The following SLAMF8 variants were observed in gnomAD, a reference collection of about 807,000 sequenced individuals.
SLAMF8 encodes the protein SLAM family member 8, also known as B lymphocyte activator macrophage expressed.
In SLAMF8, 23 loss-of-function variants were observed where a neutral mutation model predicts 29.0. That is an observed-to-expected ratio of 0.79 (90% confidence interval 0.57 to 1.13). The LOEUF (loss-of-function observed/expected upper bound fraction) is 1.13. SLAMF8 is among the 50% of genes most tolerant of loss of function. The pLI, the probability that SLAMF8 is intolerant of heterozygous loss-of-function variation, is 0.00. For missense variants in SLAMF8, 381 were observed against 353.1 expected, an observed-to-expected ratio of 1.08 and a Z score of -0.63; for synonymous variants, 139 against 145.6, an observed-to-expected ratio of 0.96 and a Z score of 0.32.
intron 1 of SLAMF8, among the ~76,000 whole-genome samples, chr1:159,829,549 A>T (rs61823167): frequency 0.1 from 15,983 of 152,266 alleles, 1,123 homozygotes; most frequent in Non-Finnish European, 0.15. Flanking sequence ...TTCTGAGCCC[A>T]TCAAGGCTGG....
chr1:159,830,051 T>A lies in SLAMF8; in HGVS notation c.226T>A (p.Phe76Ile). ...GSLETLYHSR[F>I]LGRAQLHSNL... ...CCTGGAGACTCTGTACCATTCCCGC[T>A]TCCTGGGCCGAGCCCAGCTACACAG... is the stretch of plus-strand genomic sequence containing the variant. Residue 76 changes from phenylalanine (F) to isoleucine (I), a missense_variant, in exon 2 of 5, where the codon TTC becomes ATC. Coordinates refer to ENST00000289707, the MANE Select transcript of SLAMF8 (RefSeq NM_020125.3). 6.2e-7 allele frequency: 1 copy of A among 1,614,242 alleles called. No homozygotes were observed.
rs549218234 is a variant in SLAMF8 at position 159,835,042 on chromosome 1, T to A, written c.782-142T>A. 5.7e-6 allele frequency: 4 copies of A among 700,126 alleles called. No individual in the cohort carries two copies. The East Asian group carries it at 1.1e-4, about 19-fold the overall frequency. 43.4% of individuals were successfully genotyped at this position (700,126 alleles called of 1,614,324 possible). A position where few individuals can be genotyped will look rare whatever the true frequency, so the allele number is the denominator to read the frequency against. On this transcript the variant is annotated intron_variant, in intron 4 of 4. Coordinates refer to ENST00000289707, the MANE Select transcript of SLAMF8 (RefSeq NM_020125.3). ...TCTTGAAGAGCCTCCCTTTCCAGGG[T>A]GTTGGAAGACCAGGAGAAATGTTCC...
chr1:159,830,011 GT>G lies in SLAMF8; in HGVS notation c.191del (p.Phe64SerfsTer41), dbSNP rs773616791. The G allele has an allele frequency of 3.0e-5, 48 of 1,614,100 alleles. No individual in the cohort carries two copies. Among genetic ancestry groups the G allele is most frequent in the Non-Finnish European group, 3.7e-5 (44 of 1,180,048 alleles). ...LWPSEELLAT[F>X]FRGSLETLYH... is the part of the protein sequence containing the mutation. ...GGCCTTCAGAAGAGCTCCTGGCCAC[GT>G]TTTTCCGAGGCTCCCTGGAGACTCT... is the stretch of plus-strand genomic sequence containing the variant. On this transcript the variant is annotated frameshift_variant, in exon 2 of 5. Coordinates refer to ENST00000289707, the MANE Select transcript of SLAMF8 (RefSeq NM_020125.3). LOFTEE classifies it high-confidence loss of function.
At chr1:159,832,748 G>A (rs1647575064) in intron 2 of SLAMF8, 128 bp from the exon 3 acceptor site, 1 of 1,028,692 alleles carries the variant, frequency 9.7e-7, no homozygotes, top group Non-Finnish European at 1.4e-6. Context: ...TGGAAAGCCA[G>A]ACAAGATTTT....
rs1647349633 is a variant in SLAMF8, at chr1:159,829,903, G to A, written c.78G>A (p.Leu26=). 7 of 1,613,900 alleles carry A rather than the reference G, an allele frequency of 4.3e-6. No individual in the cohort carries two copies. In the African/African-American group the frequency reaches 5.3e-5, roughly 12 times the overall value. ...TTACAGTTACTGGTGCCCAAGTGCT[G>A]AGCAAAGTCGGGGGCTCGGTGCTGC... The part of the protein sequence containing the change: ...LPITVTGAQV[L]SKVGGSVLLV... Residue 26 remains leucine, a synonymous_variant, in exon 2 of 5, where the codon CTG becomes CTA. Coordinates refer to ENST00000289707, the MANE Select transcript of SLAMF8 (RefSeq NM_020125.3).
In SLAMF8 at chr1:159,835,873, G is replaced by T; in HGVS notation, c.*613G>T. 1 of 985,396 alleles carries T rather than the reference G, an allele frequency of 1.0e-6. No homozygotes were observed. The highest frequency in any genetic ancestry group is 1.2e-6 in the Non-Finnish European group (1 of 829,946). 61.0% of individuals were successfully genotyped at this position (985,396 alleles called of 1,614,324 possible). A position where few individuals can be genotyped will look rare whatever the true frequency, so the allele number is the denominator to read the frequency against. On this transcript the variant is annotated 3_prime_UTR_variant, in exon 5 of 5. Coordinates refer to ENST00000289707, the MANE Select transcript of SLAMF8 (RefSeq NM_020125.3). ...GACTTTCAGGTAATCAGAGTTCATGGGCCCTCAAAGGTAAATTGCAGTTGT... is the reference window on the plus strand; with the variant it reads ...GACTTTCAGGTAATCAGAGTTCATGTGCCCTCAAAGGTAAATTGCAGTTGT...
intron 2 of SLAMF8, among the ~76,000 whole-genome samples, chr1:159,831,644 G>C (rs916090512): frequency 6.6e-6 from 1 of 152,204 alleles, no homozygotes; most frequent in African/African-American, 2.4e-5. Flanking sequence ...AAAATGCCTT[G>C]TTCTCAGCAG....
rs1477444014 is a variant in SLAMF8, at chr1:159,833,064, C to A, written c.556C>A (p.Leu186Met). The A allele has an allele frequency of 6.2e-7, 1 of 1,614,088 alleles. No individual in the cohort carries two copies. The highest frequency in any genetic ancestry group is 8.5e-7 in the Non-Finnish European group (1 of 1,180,042). The change falls in exon 3 of 5, where the codon CTG (leucine) becomes ATG (methionine). Residue 186 changes from leucine (L) to methionine (M), a missense_variant. Transcript: ENST00000289707. Reference protein sequence around the residue: ...PHSLFTDGQVLSISLGPGDRD... With the variant: ...PHSLFTDGQVMSISLGPGDRD... Reference sequence around the variant, plus strand: ...CAGCCTCTTCACAGACGGACAGGTGCTGAGCATTTCCCTGGGACCAGGAGA... The same window carrying A: ...CAGCCTCTTCACAGACGGACAGGTGATGAGCATTTCCCTGGGACCAGGAGA...
chr1:159,828,477 A>G (rs752680313), intron 1 of SLAMF8, among the ~76,000 whole-genome samples: 25 of 152,140 alleles, frequency 1.6e-4, no homozygotes, highest in Non-Finnish European at 3.4e-4. Flanking sequence ...ATTGACCAAA[A>G]CTTCATCACC....
At position 159,830,098 on chromosome 1, in the gene SLAMF8, G is replaced by A; in HGVS notation, c.273G>A (p.Gly91=). The A allele has an allele frequency of 6.2e-7, 1 of 1,614,246 alleles. No homozygotes were observed. Among genetic ancestry groups the A allele is most frequent in the Middle Eastern group, 1.6e-4 (1 of 6,062 alleles). The stretch of plus-strand genomic sequence containing the variant: ...ACAGCAACCTCAGCCTGGAGCTCGG[G>A]CCGCTGGAGTCTGGAGACAGCGGCA... The part of the protein sequence containing the change: ...QLHSNLSLEL[G]PLESGDSGNF... Residue 91 remains glycine, a synonymous_variant, in exon 2 of 5, where the codon GGG becomes GGA. Transcript: ENST00000289707.
At chr1:159,833,610 T>A (rs1234106851) in intron 4 of SLAMF8, among the ~76,000 whole-genome samples, 2 of 152,206 alleles carry the variant, frequency 1.3e-5, no homozygotes, top group Non-Finnish European at 2.9e-5. Context: ...CTTTGTACAT[T>A]GTATTCCCTC....
At chr1:159,832,840 C>T (rs1349654629) in intron 2 of SLAMF8, 36 bp from the exon 3 acceptor site, 1 of 1,597,458 alleles carries the variant, frequency 6.3e-7, no homozygotes, top group East Asian at 2.2e-5. Context: ...GCCCAGCATC[C>T]CTGAGACCCA....
Position 159,835,191 on chromosome 1 carries a change from GA to G in SLAMF8, c.794del (p.Lys265ArgfsTer156). The G allele has an allele frequency of 6.2e-7, 1 of 1,613,928 alleles. No individual in the cohort carries two copies. On this transcript the variant is annotated frameshift_variant, in exon 5 of 5. Transcript: ENST00000289707. LOFTEE classifies it low-confidence loss of function (END_TRUNC). ...WHWCPCSGKK[K>X]KDVHADRVGP... ...TTCTGATGTCCTTACCAGGGAAAAA[GA>G]AAAAGGATGTCCATGCTGACAGAGT...
In SLAMF8 at chr1:159,835,301, C is replaced by T. The variant is rs761403009; in HGVS notation, c.*41C>T. The T allele has an allele frequency of 6.2e-7, 1 of 1,602,020 alleles. No homozygotes were observed. Among genetic ancestry groups the T allele is most frequent in the Admixed American group, 1.7e-5 (1 of 57,474 alleles). On this transcript the variant is annotated 3_prime_UTR_variant, in exon 5 of 5. Coordinates refer to ENST00000289707, the MANE Select transcript of SLAMF8 (RefSeq NM_020125.3). ...GATGCCTGGACTATCAGTAACCCCACTGCACAGGCACACGATGCTCTGGGA... is the reference window on the plus strand; with the variant it reads ...GATGCCTGGACTATCAGTAACCCCATTGCACAGGCACACGATGCTCTGGGA...
chr1:159,830,025 C>G lies in SLAMF8; in HGVS notation c.200C>G (p.Ser67Cys). The G allele has an allele frequency of 6.2e-7, 1 of 1,614,246 alleles. No homozygotes were observed. Among genetic ancestry groups the G allele is most frequent in the Non-Finnish European group, 8.5e-7 (1 of 1,180,042 alleles). Residue 67 changes from serine (S) to cysteine (C), a missense_variant, in exon 2 of 5, where the codon TCC (serine) becomes TGC (cysteine). Coordinates refer to ENST00000289707, the MANE Select transcript of SLAMF8 (RefSeq NM_020125.3). ...EELLATFFRG[S>C]LETLYHSRFL... ...CTCCTGGCCACGTTTTTCCGAGGCT[C>G]CCTGGAGACTCTGTACCATTCCCGC... is the stretch of plus-strand genomic sequence containing the variant.
rs767652829 is a variant in SLAMF8 at position 159,833,078 on chromosome 1, G to A, written c.570G>A (p.Leu190=). The A allele has an allele frequency of 5.6e-5, 90 of 1,614,068 alleles. No individual in the cohort carries two copies. In the Middle Eastern group the frequency reaches 1.5e-3, roughly 27 times the overall value. ...FTDGQVLSIS[L]GPGDRDVAYS... is the part of the protein sequence containing the mutation. ...ACGGACAGGTGCTGAGCATTTCCCTGGGACCAGGAGACAGAGATGTGGCCT... is the reference window on the plus strand; with the variant it reads ...ACGGACAGGTGCTGAGCATTTCCCTAGGACCAGGAGACAGAGATGTGGCCT... Residue 190 remains leucine, a synonymous_variant, in exon 3 of 5, where the codon CTG becomes CTA. Coordinates refer to ENST00000289707, the MANE Select transcript of SLAMF8 (RefSeq NM_020125.3).
rs756155347 is a variant in SLAMF8 at position 159,835,201 on chromosome 1, G to T, written c.799G>T (p.Val267Phe). 1.9e-5 allele frequency: 30 copies of T among 1,613,944 alleles called. 1 individual carries two copies. In the South Asian group the frequency reaches 3.3e-4, roughly 18 times the overall value. ...CPCSGKKKKD[V>F]HADRVGPETE... The stretch of plus-strand genomic sequence containing the variant: ...CTTACCAGGGAAAAAGAAAAAGGAT[G>T]TCCATGCTGACAGAGTGGGTCCAGA... Residue 267 changes from valine (V) to phenylalanine (F), a missense_variant, in exon 5 of 5, where the codon GTC becomes TTC. By Grantham distance (50) the Val-to-Phe change is conservative. Coordinates refer to ENST00000289707, the MANE Select transcript of SLAMF8 (RefSeq NM_020125.3).
intron 1 of SLAMF8, 126 bp downstream of exon 1, chr1:159,827,064 A>G: frequency 8.8e-7 from 1 of 1,140,724 alleles, no homozygotes; most frequent in Non-Finnish European, 1.3e-6. Context: ...GGTGGGTAGG[A>G]AAGACTAGAA....
At chr1:159,827,847 T>G (rs553028114) in intron 1 of SLAMF8, among the ~76,000 whole-genome samples, 4 of 152,116 alleles carry the variant, frequency 2.6e-5, no homozygotes, top group Non-Finnish European at 5.9e-5. Flanking sequence ...TTTTTTTTTT[T>G]TCTTTGAGAC....
Sources: gnomAD v4.1 joint callset for allele counts (sites outside exome capture counted in the v4.1 genomes callset) on GRCh38, gnomAD v4.1.1 for gene constraint, MANE v1.5 for transcripts, NCBI Gene and HGNC (gene_info 2026-07-23, HGNC 2026-07-21) for gene names.